APBB2: variants seen among roughly 807,000 people sequenced by gnomAD.
APBB2 encodes amyloid beta precursor protein binding family B member 2.
In APBB2, 38 loss-of-function variants were observed where a neutral mutation model predicts 82.5. That is an observed-to-expected ratio of 0.46 (90% CI 0.36 to 0.60). The LOEUF is 0.60. APBB2 is among the 20% of genes least tolerant of loss of function. The pLI is 0.00. For missense variants in APBB2, 772 were observed against 972.3 expected, an observed-to-expected ratio of 0.79 and a Z score of 2.74; for synonymous variants, 341 against 368.2, an observed-to-expected ratio of 0.93 and a Z score of 0.85.
Position 41,014,120 on chromosome 4 carries a change from C to T in APBB2, c.298G>A (p.Val100Met). ...LGNGSANIKL[V>M]KNGENQLRKA... ...CGGAGCTGGTTCTCCCCATTTTTCA[C>T]CAGCTTGATGTTGGCAGAGCCATTT... Residue 100 changes from valine (V) to methionine (M), a missense_variant, in exon 6 of 18, where the codon GTG (valine) becomes ATG (methionine). Physicochemically the swap from Val to Met is conservative, Grantham distance 21. Coordinates refer to ENST00000508593, the MANE Select transcript of APBB2 (RefSeq NM_004307.2). The T allele has an allele frequency of 6.2e-7, 1 of 1,614,222 alleles. No individual in the cohort carries two copies. Among genetic ancestry groups the T allele is most frequent in the Non-Finnish European group, 8.5e-7 (1 of 1,180,048 alleles).
chr4:41,094,214 G>A (rs1300306556), intron 3 of APBB2, among the ~76,000 whole-genome samples: 1 of 152,164 alleles, frequency 6.6e-6, no homozygotes, highest in Admixed American at 6.5e-5. Flanking sequence ...GAGTGACAAT[G>A]TAATATTTTT....
intron 4 of APBB2, among the ~76,000 whole-genome samples, chr4:41,051,813 C>A (rs1197153252): frequency 3.3e-5 from 5 of 152,204 alleles, no homozygotes. Context: ...ACAGCCAGGA[C>A]CCTGGAGCTG....
intron 10 of APBB2, among the ~76,000 whole-genome samples, chr4:40,895,821 G>C (rs6447506): frequency 0.68 from 102,984 of 152,008 alleles, 35,478 homozygotes; most frequent in East Asian, 0.85. Flanking sequence ...TTATCTCAGT[G>C]AGTCCTCACC....
At chr4:41,152,704 G>A (rs1762587237) in intron 1 of APBB2, among the ~76,000 whole-genome samples, 3 of 152,146 alleles carry the variant, frequency 2.0e-5, no homozygotes, top group Non-Finnish European at 4.4e-5. Context: ...TCTGAATGCC[G>A]ATTTGATTGA....
rs1473122233 is a variant in APBB2, at chr4:41,097,180, C to T, written c.-149+3459G>A. On this transcript the variant is annotated intron_variant, in intron 3 of 17. Transcript: ENST00000508593. ...CACAGAAATATTGATTAAGACAGCT[C>T]GGCAGGAGGAATATGTCACCTGCGC... 1.1e-4 allele frequency among the ~76,000 whole-genome samples: 16 copies of T among 152,096 alleles called. 1 individual carries two copies. The highest frequency in any genetic ancestry group is 1.0e-3 in the Admixed American group (16 of 15,266).
At chr4:41,056,504 C>G (rs1269823273) in intron 4 of APBB2, among the ~76,000 whole-genome samples, 1 of 152,158 alleles carries the variant, frequency 6.6e-6, no homozygotes, top group East Asian at 1.9e-4. Flanking sequence ...TCTTTACCAG[C>G]CTTCCCCTCC....
At chr4:41,027,307 A>G (rs549764312) in intron 5 of APBB2, among the ~76,000 whole-genome samples, 1 of 150,466 alleles carries the variant, frequency 6.6e-6, no homozygotes, top group Non-Finnish European at 1.5e-5. Flanking sequence ...TGCTGAGTAC[A>G]GTAACTTTTT....
chr4:40,993,361 CTTTTTTT>C (rs34787320), intron 6 of APBB2, among the ~76,000 whole-genome samples: 9 of 114,618 alleles, frequency 7.9e-5, no homozygotes, highest in African/African-American at 1.4e-4. Context: ...ACTCTTCTCT[CTTTTTTT>C]TTTTTTTTTT....
At chr4:40,931,081 G>A (rs1784113340) in intron 10 of APBB2, among the ~76,000 whole-genome samples, 1 of 151,868 alleles carries the variant, frequency 6.6e-6, no homozygotes, top group South Asian at 2.1e-4. Flanking sequence ...TTTTTCGGGG[G>A]AGGGGACCAC....
intron 4 of APBB2, among the ~76,000 whole-genome samples, chr4:41,053,743 G>T (rs1041078768): frequency 6.6e-6 from 1 of 152,088 alleles, no homozygotes; most frequent in Non-Finnish European, 1.5e-5. Flanking sequence ...ATATCTCCAC[G>T]GTACTTGCTA....
chr4:40,919,142 G>T (rs1350876176), intron 10 of APBB2, among the ~76,000 whole-genome samples: 1 of 152,120 alleles, frequency 6.6e-6, no homozygotes, highest in African/African-American at 2.4e-5. Context: ...GTCTGAACTG[G>T]CAAGTGCTTT....
intron 2 of APBB2, among the ~76,000 whole-genome samples, chr4:41,125,267 A>G (rs1177746848): frequency 6.6e-6 from 1 of 152,242 alleles, no homozygotes; most frequent in African/African-American, 2.4e-5. Flanking sequence ...CATAACAGCA[A>G]TATGTGAAGA....
At chr4:41,179,805 A>G (rs901677132) in intron 1 of APBB2, among the ~76,000 whole-genome samples, 1 of 152,244 alleles carries the variant, frequency 6.6e-6, no homozygotes, top group Non-Finnish European at 1.5e-5. Flanking sequence ...CAAAACAGAC[A>G]CATACTGGCA....
At chr4:41,193,598 A>C in intron 1 of APBB2, 1 of 983,930 alleles carries the variant, frequency 1.0e-6, no homozygotes, top group Admixed American at 6.2e-5. Flanking sequence ...TGAGCTTAAC[A>C]TGTTCCTTGC....
chr4:41,186,983 T>C (rs1773077873), intron 1 of APBB2, among the ~76,000 whole-genome samples: 1 of 152,336 alleles, frequency 6.6e-6, no homozygotes, highest in African/African-American at 2.4e-5. Context: ...ATTTTATCAC[T>C]AAAATTCCTA....
chr4:40,884,598 G>T (rs1769652865), intron 12 of APBB2, among the ~76,000 whole-genome samples: 1 of 152,018 alleles, frequency 6.6e-6, no homozygotes. Flanking sequence ...GCAACAAAGT[G>T]AGACCCCGTA....
At chr4:40,903,825 T>TA (rs1285151312) in intron 10 of APBB2, among the ~76,000 whole-genome samples, 1 of 152,192 alleles carries the variant, frequency 6.6e-6, no homozygotes, top group African/African-American at 2.4e-5. Context: ...ATAGCTGCTC[T>TA]ATGGAGACCT....
At chr4:40,958,223 C>G (rs11735782) in intron 6 of APBB2, among the ~76,000 whole-genome samples, 34,450 of 151,876 alleles carry the variant, frequency 0.23, 4,280 homozygotes, top group African/African-American at 0.31. Context: ...TTCTAAATAC[C>G]TCCACACAGA....
At chr4:41,063,950 ATT>A (rs11422110) in intron 4 of APBB2, among the ~76,000 whole-genome samples, 4 of 91,788 alleles carry the variant, frequency 4.4e-5, no homozygotes, top group Non-Finnish European at 7.8e-5. Context: ...AAATGCTGGG[ATT>A]TTTTTTTTTT....
Sources: allele counts gnomAD v4.1 joint callset (sites outside exome capture counted in the v4.1 genomes callset), GRCh38; gene constraint gnomAD v4.1.1; transcripts MANE v1.5; gene names NCBI Gene and HGNC (gene_info 2026-07-23, HGNC 2026-07-21).